Variants in TMEM117 observed in about 807,000 individuals in gnomAD.
The protein encoded by TMEM117 is transmembrane protein 117.
In TMEM117, 27 loss-of-function variants were observed where a neutral mutation model predicts 52.4. That is an observed-to-expected ratio of 0.51 (90% CI 0.38 to 0.71). The LOEUF is 0.71. Among genes scored for constraint, TMEM117 ranks in the 30% least tolerant of loss-of-function variants. The pLI is 0.00. For missense variants in TMEM117, 556 were observed against 630.5 expected, an observed-to-expected ratio of 0.88 and a Z score of 1.26; for synonymous variants, 215 against 206.3, an observed-to-expected ratio of 1.04 and a Z score of -0.36.
chr12:44,017,467 C>T (rs1437438443), intron 3 of TMEM117, among the ~76,000 whole-genome samples: 1 of 151,734 alleles, frequency 6.6e-6, no homozygotes, highest in East Asian at 1.9e-4. Context: ...GATCTGCTGG[C>T]CCTCCTCTTA....
chr12:44,311,799 ATATATGTATATATGTATATATATG>A (rs1565701418), intron 6 of TMEM117, among the ~76,000 whole-genome samples: 3 of 18,942 alleles, frequency 1.6e-4, no homozygotes, highest in Non-Finnish European at 3.4e-4. Flanking sequence ...ATATATATGT[ATATATGTATATATGTATATATATG>A]TATATATGTA....
chr12:44,139,370 G>T (rs997791269), intron 3 of TMEM117, among the ~76,000 whole-genome samples: 2 of 151,906 alleles, frequency 1.3e-5, no homozygotes, highest in Non-Finnish European at 2.9e-5. Flanking sequence ...TGACTATTTT[G>T]CTCATGTTAG....
the TMEM117 span, among the ~76,000 whole-genome samples, chr12:43,819,646 G>A: frequency 4.6e-5 from 7 of 152,102 alleles, no homozygotes; most frequent in Non-Finnish European, 7.4e-5. Context: ...GGTGGCGCGC[G>A]CCTGTAGTCC....
rs191190695 is a variant in TMEM117 at position 43,965,231 on chromosome 12, A to T, written c.410+20889A>T. ...AAAGGATGAGGTCATAAAGGGACGA[A>T]TTTGAGTTAAAAAGAAAATAAGGAA... On this transcript the variant is annotated intron_variant, in intron 3 of 7. Coordinates refer to ENST00000266534, the MANE Select transcript of TMEM117 (RefSeq NM_032256.3). 2.0e-5 allele frequency among the ~76,000 whole-genome samples: 3 copies of T among 152,360 alleles called. No individual in the cohort carries two copies. The East Asian group carries it at 5.8e-4, about 29-fold the overall frequency.
chr12:43,797,198 A>T, the TMEM117 span: 1 of 1,482,468 alleles, frequency 6.7e-7, no homozygotes, highest in Non-Finnish European at 9.1e-7. Context: ...GAAACTTCAT[A>T]AAACTACAGC....
At chr12:43,871,266 C>G (rs1207331937) in intron 2 of TMEM117, among the ~76,000 whole-genome samples, 1 of 151,802 alleles carries the variant, frequency 6.6e-6, no homozygotes, top group Non-Finnish European at 1.5e-5. Context: ...CCACGCCCAG[C>G]TAATTTTTGT....
chr12:43,808,554 AAC>A, the TMEM117 span, among the ~76,000 whole-genome samples: 1 of 152,136 alleles, frequency 6.6e-6, no homozygotes, highest in Non-Finnish European at 1.5e-5. Context: ...GTGGTCACAA[AAC>A]ACAAATGCTT....
chr12:44,380,563 G>A (rs1210151519), intron 7 of TMEM117, among the ~76,000 whole-genome samples: 12 of 152,110 alleles, frequency 7.9e-5, no homozygotes, highest in Non-Finnish European at 2.9e-5. Context: ...CTACTTACTG[G>A]TGGTCTGGTC....
intron 2 of TMEM117, among the ~76,000 whole-genome samples, chr12:43,893,257 C>A (rs1944140144): frequency 6.6e-6 from 1 of 152,158 alleles, no homozygotes; most frequent in South Asian, 2.1e-4. Flanking sequence ...CAAAAACGAA[C>A]TGTAAGAGAA....
intron 5 of TMEM117, among the ~76,000 whole-genome samples, chr12:44,256,245 A>T (rs1210665333): frequency 6.6e-6 from 1 of 151,920 alleles, no homozygotes; most frequent in East Asian, 1.9e-4. Context: ...ACATATGTGC[A>T]TATAAAACAA....
intron 2 of TMEM117, among the ~76,000 whole-genome samples, chr12:43,858,261 C>T (rs1943432827): frequency 6.6e-6 from 1 of 152,226 alleles, no homozygotes; most frequent in South Asian, 2.1e-4. Flanking sequence ...AAACCGAAGC[C>T]TCCTGATTCC....
chr12:43,841,743 A>C (rs1943119118), intron 1 of TMEM117, among the ~76,000 whole-genome samples: 1 of 152,212 alleles, frequency 6.6e-6, no homozygotes, highest in South Asian at 2.1e-4. Flanking sequence ...TCAGCCTCAG[A>C]GGCTCAGATC....
chr12:43,991,438 TATC>T (rs919587104), intron 3 of TMEM117, among the ~76,000 whole-genome samples: 39 of 3,056 alleles, frequency 0.013, no homozygotes, highest in South Asian at 0.071. Context: ...TATTTATTGT[TATC>T]TATCTATCTA....
chr12:44,110,225 C>G (rs568805146), intron 3 of TMEM117, among the ~76,000 whole-genome samples: 1 of 148,480 alleles, frequency 6.7e-6, no homozygotes, highest in South Asian at 2.2e-4. Context: ...ATTGCCCTGG[C>G]CAGAACTTCC....
chr12:44,340,099 A>G (rs542656911), intron 6 of TMEM117, among the ~76,000 whole-genome samples: 31 of 152,254 alleles, frequency 2.0e-4, no homozygotes, highest in African/African-American at 7.5e-4. Flanking sequence ...ATTTAATATA[A>G]AATGAAGGTG....
intron 5 of TMEM117, among the ~76,000 whole-genome samples, chr12:44,254,961 A>G (rs1325606446): frequency 2.0e-5 from 3 of 152,090 alleles, no homozygotes; most frequent in East Asian, 1.9e-4. Flanking sequence ...TTCCAGTTTC[A>G]TCCATGTCCC....
At chr12:44,350,038 A>G (rs2138776232) in intron 6 of TMEM117, among the ~76,000 whole-genome samples, 1 of 152,154 alleles carries the variant, frequency 6.6e-6, no homozygotes, top group East Asian at 1.9e-4. Flanking sequence ...CTATGTTTTC[A>G]ATGGATTCTG....
chr12:44,111,827 A>C (rs1948062032), intron 3 of TMEM117, among the ~76,000 whole-genome samples: 1 of 133,054 alleles, frequency 7.5e-6, no homozygotes, highest in Non-Finnish European at 1.5e-5. Flanking sequence ...TCCCATTATT[A>C]ATGTGTGGGA....
At chr12:44,065,070 GA>G (rs1256620073) in intron 3 of TMEM117, among the ~76,000 whole-genome samples, 1 of 152,094 alleles carries the variant, frequency 6.6e-6, no homozygotes, top group Non-Finnish European at 1.5e-5. Context: ...ATAAAATAAA[GA>G]TAAAATTAAT....
Sources: allele counts gnomAD v4.1 joint callset (sites outside exome capture counted in the v4.1 genomes callset), GRCh38; gene constraint gnomAD v4.1.1; transcripts MANE v1.5; gene names NCBI Gene and HGNC (gene_info 2026-07-23, HGNC 2026-07-21).